Variants in SPEF2 observed in about 807,000 individuals in gnomAD.
The protein encoded by SPEF2 is sperm flagella and cilia-associated protein 2.
Under a neutral mutation model 224.6 loss-of-function variants are expected in SPEF2, and 187 were observed. That is an observed-to-expected ratio of 0.83 (90% CI 0.74 to 0.94). The LOEUF (loss-of-function observed/expected upper bound fraction) is 0.94. SPEF2 is among the 40% of genes least tolerant of loss of function. The pLI is 0.00. For missense variants in SPEF2, 2,170 were observed against 2,135.6 expected, an observed-to-expected ratio of 1.02 and a Z score of -0.32; for synonymous variants, 715 against 707.3, an observed-to-expected ratio of 1.01 and a Z score of -0.17.
At chr5:35,643,714 G>C (rs982255261) in intron 3 of SPEF2, 31 of 337,106 alleles carry the variant, frequency 9.2e-5, no homozygotes, top group African/African-American at 6.6e-4. Flanking sequence ...TATTAATAAT[G>C]GTTGAAATTT....
At chr5:35,694,247 C>A in intron 12 of SPEF2, 41 bp from the exon 13 acceptor site, 1 of 1,477,666 alleles carries the variant, frequency 6.8e-7, no homozygotes, top group Non-Finnish European at 9.4e-7. Flanking sequence ...TAAAATATAG[C>A]AATGGTAAAA....
In SPEF2 at chr5:35,795,706, G is replaced by A; in HGVS notation, c.4741G>A (p.Gly1581Ser). 3 of 1,612,052 alleles carry A rather than the reference G, an allele frequency of 1.9e-6. No homozygotes were observed. Among genetic ancestry groups the A allele is most frequent in the East Asian group, 4.5e-5 (2 of 44,848 alleles). ...TTCATTTTTATTTTTTATGTAGGCT[G>A]GTCTGTGGTTTACAGGAGATGAAGA... ...TITFEQYMQA[G>S]LWFTGDEDIK... Residue 1581 changes from glycine to serine, a missense_variant, in exon 33 of 37, where the codon GGT becomes AGT. Transcript: ENST00000356031.
At chr5:35,660,131 G>A (rs918156541) in intron 8 of SPEF2, among the ~76,000 whole-genome samples, 1 of 151,990 alleles carries the variant, frequency 6.6e-6, no homozygotes, top group South Asian at 2.1e-4. Flanking sequence ...GATTATTTTT[G>A]TCCCAAACTT....
chr5:35,740,077 C>T lies in SPEF2; in HGVS notation c.3191+31C>T, dbSNP rs535962785. On this transcript the variant is annotated intron_variant, in intron 22 of 36. Coordinates refer to ENST00000356031, the MANE Select transcript of SPEF2 (RefSeq NM_024867.4). Reference sequence around the variant, plus strand: ...TAATGTTTCCAAAGTCAGAATTTTACAGTTTAGAGGCATGACATATAAAAT... The same window carrying T: ...TAATGTTTCCAAAGTCAGAATTTTATAGTTTAGAGGCATGACATATAAAAT... The T allele has an allele frequency of 2.0e-5, 33 of 1,613,898 alleles. No homozygotes were observed. The Admixed American group carries it at 3.5e-4, about 17-fold the overall frequency.
In SPEF2 at chr5:35,667,183, T is replaced by C; in HGVS notation, c.1279T>C (p.Ser427Pro). 2 of 1,612,108 alleles carry C rather than the reference T, an allele frequency of 1.2e-6. No homozygotes were observed. The highest frequency in any genetic ancestry group is 1.7e-6 in the Non-Finnish European group (2 of 1,178,982). The change falls in exon 9 of 37, where the codon TCA becomes CCA. Residue 427 changes from serine (S) to proline (P), a missense_variant. By Grantham distance (74) the Ser-to-Pro change is moderately conservative. Transcript: ENST00000356031. The stretch of plus-strand genomic sequence containing the variant: ...TCAAGCTCGTTATGAAAAGCATTAT[T>C]CAGTATGTGCAGAAATTTTGGATCA... ...RAQARYEKHYSVCAEILDQIV... is the reference protein window; with the variant it reads ...RAQARYEKHYPVCAEILDQIV...
At chr5:35,804,331 C>A (rs868526432) in intron 34 of SPEF2, among the ~76,000 whole-genome samples, 1 of 152,172 alleles carries the variant, frequency 6.6e-6, no homozygotes. Flanking sequence ...ACAGTCTGTT[C>A]CCCTGCTTAG....
At chr5:35,649,607 A>G (rs1182801667) in intron 6 of SPEF2, among the ~76,000 whole-genome samples, 182 bp downstream of exon 6, 1 of 152,236 alleles carries the variant, frequency 6.6e-6, no homozygotes, top group African/African-American at 2.4e-5. Context: ...AGCAACTGTT[A>G]TAAATATCTG....
intron 21 of SPEF2, among the ~76,000 whole-genome samples, chr5:35,734,352 A>C (rs1458415166): frequency 6.6e-6 from 1 of 152,158 alleles, no homozygotes. Context: ...CTTCCCCTAA[A>C]TCAGTGGTGT....
intron 21 of SPEF2, among the ~76,000 whole-genome samples, chr5:35,738,889 T>C (rs187895703): frequency 1.3e-5 from 2 of 152,206 alleles, no homozygotes; most frequent in African/African-American, 4.8e-5. Flanking sequence ...CTTTGGAACA[T>C]TGTGCCCATA....
intron 30 of SPEF2, chr5:35,788,586 TA>T: frequency 1.4e-6 from 1 of 702,818 alleles, no homozygotes; most frequent in Non-Finnish European, 2.6e-6. Context: ...CCTCTGGCAA[TA>T]AAAAATGCCA....
intron 30 of SPEF2, among the ~76,000 whole-genome samples, chr5:35,780,423 G>A (rs1294106290): frequency 6.6e-6 from 1 of 152,128 alleles, no homozygotes; most frequent in Non-Finnish European, 1.5e-5. Context: ...CATCAAATCA[G>A]CTAGAGCAGG....
At chr5:35,732,571 C>A (rs1204528152) in intron 21 of SPEF2, among the ~76,000 whole-genome samples, 2 of 152,170 alleles carry the variant, frequency 1.3e-5, no homozygotes, top group African/African-American at 4.8e-5. Flanking sequence ...GCTTTTAGAA[C>A]TATTTGGAGC....
intron 21 of SPEF2, among the ~76,000 whole-genome samples, chr5:35,735,510 G>A (rs991293468): frequency 1.3e-5 from 2 of 152,090 alleles, no homozygotes; most frequent in African/African-American, 4.8e-5. Context: ...GAAGGAGGCT[G>A]CCTTGAAATT....
chr5:35,720,407 T>C (rs1387831019), intron 20 of SPEF2, among the ~76,000 whole-genome samples: 1 of 152,244 alleles, frequency 6.6e-6, no homozygotes, highest in Non-Finnish European at 1.5e-5. Context: ...ATTTCAGCTA[T>C]TCATGAGTCC....
chr5:35,629,906 G>A (rs969409970), intron 2 of SPEF2, among the ~76,000 whole-genome samples: 72 of 152,032 alleles, frequency 4.7e-4, no homozygotes, highest in Admixed American at 4.5e-3. Flanking sequence ...CAATAATTTC[G>A]ATTATATGGA....
chr5:35,806,425 C>T (rs971489176), intron 34 of SPEF2, among the ~76,000 whole-genome samples: 17 of 152,150 alleles, frequency 1.1e-4, no homozygotes, highest in African/African-American at 3.4e-4. Flanking sequence ...TACAGGGGTA[C>T]AAGTACCTGG....
intron 10 of SPEF2, among the ~76,000 whole-genome samples, chr5:35,681,360 C>T (rs976933017): frequency 7.2e-5 from 11 of 152,110 alleles, no homozygotes; most frequent in African/African-American, 2.7e-4. Context: ...ATACTGAGAA[C>T]TGTATTACTT....
At chr5:35,802,669 G>A (rs1023156872) in intron 34 of SPEF2, among the ~76,000 whole-genome samples, 1 of 152,172 alleles carries the variant, frequency 6.6e-6, no homozygotes, top group Non-Finnish European at 1.5e-5. Context: ...GCAAGTCCCT[G>A]GGGCATGAGC....
chr5:35,677,460 G>T (rs1468898488), intron 10 of SPEF2, among the ~76,000 whole-genome samples: 1 of 152,196 alleles, frequency 6.6e-6, no homozygotes, highest in East Asian at 1.9e-4. Flanking sequence ...GGGTGATTCA[G>T]TCTCAAGGGC....
Sources: gnomAD v4.1 joint callset for allele counts (sites outside exome capture counted in the v4.1 genomes callset) on GRCh38, gnomAD v4.1.1 for gene constraint, MANE v1.5 for transcripts, NCBI Gene and HGNC (gene_info 2026-07-23, HGNC 2026-07-21) for gene names.